The following LINS1 variants were observed in gnomAD, a reference collection of about 807,000 sequenced individuals.
LINS1 encodes lines homolog 1.
Under a neutral mutation model 41.6 loss-of-function variants are expected in LINS1, and 27 were observed. The ratio of observed to expected loss-of-function variants is 0.65; its 90% confidence interval spans 0.48 to 0.89. LINS1 has a LOEUF of 0.89. Ranked by LOEUF, LINS1 falls within the 40% of genes least tolerant of loss-of-function variation. The pLI, the probability that LINS1 is intolerant of heterozygous loss-of-function variation, is 0.00. For missense variants in LINS1, 955 were observed against 884.1 expected, an observed-to-expected ratio of 1.08 and a Z score of -1.02; for synonymous variants, 336 against 312.9, an observed-to-expected ratio of 1.07 and a Z score of -0.78.
At chr15:100,586,754 G>GA (rs1267561228) in intron 1 of LINS1, among the ~76,000 whole-genome samples, 1 of 152,080 alleles carries the variant, frequency 6.6e-6, no homozygotes, top group Admixed American at 6.6e-5. Flanking sequence ...TAAACATGTG[G>GA]AAAAAATTTA....
At chr15:100,576,613 C>T (rs2038199703) in intron 3 of LINS1, 1 of 152,376 alleles carries the variant, frequency 6.6e-6, no homozygotes. Context: ...GAGCTGGTAC[C>T]ATTCCTTCTG....
intron 3 of LINS1, among the ~76,000 whole-genome samples, chr15:100,577,427 C>A (rs1345193082): frequency 2.0e-5 from 3 of 152,142 alleles, no homozygotes; most frequent in Non-Finnish European, 4.4e-5. Flanking sequence ...TTCACAATTG[C>A]TTCAAAGAGA....
intron 5 of LINS1, chr15:100,572,351 T>C (rs530512692): frequency 8.3e-7 from 1 of 1,200,062 alleles, no homozygotes; most frequent in African/African-American, 1.6e-5. Flanking sequence ...ATAAAAGTTA[T>C]GTGATTTCTT....
intron 1 of LINS1, among the ~76,000 whole-genome samples, chr15:100,597,096 C>A (rs1457110404): frequency 6.6e-6 from 1 of 152,198 alleles, no homozygotes; most frequent in Non-Finnish European, 1.5e-5. Flanking sequence ...CACATCCAGG[C>A]TCCTCTTTTG....
intron 1 of LINS1, among the ~76,000 whole-genome samples, chr15:100,587,157 T>TTAA (rs1208385218): frequency 7.3e-5 from 5 of 68,268 alleles, no homozygotes; most frequent in African/African-American, 2.8e-4. Flanking sequence ...GACTCTGTCT[T>TTAA]AAAAAAAAAA....
At position 100,580,531 on chromosome 15, in the gene LINS1, C is replaced by T. The variant is rs61741890; in HGVS notation, c.312G>A (p.Leu104=). Residue 104 remains leucine (L), a synonymous_variant, in exon 2 of 7, where the codon TTG becomes TTA. Transcript: ENST00000314742. ...TTGCATGGAACTCGGTTTTGACAGA[C>T]AATATCCGGGTTGTCATCACTTTGA... ...TVIKVMTTRI[L]SVKTEFHAKE... The T allele has an allele frequency of 4.6e-5, 75 of 1,613,992 alleles. No homozygotes were observed. In the African/African-American group the frequency reaches 9.6e-4, roughly 21 times the overall value.
Position 100,580,247 on chromosome 15 carries a change from T to G in LINS1, c.489+16A>C, listed in dbSNP as rs762130903. 2.0e-6 allele frequency: 3 copies of G among 1,533,844 alleles called. No individual in the cohort carries two copies. The highest frequency in any genetic ancestry group is 2.7e-6 in the Non-Finnish European group (3 of 1,110,626). ...AAGAAAGAGAAATAATAACATACTT[T>G]GATTACTTATCTTACCTTTTCTCTC... On this transcript the variant is annotated intron_variant, in intron 3 of 6. Transcript: ENST00000314742.
intron 5 of LINS1, 76 bp from the exon 6 acceptor site, chr15:100,572,141 T>C (rs2037865864): frequency 3.2e-6 from 5 of 1,575,336 alleles, no homozygotes; most frequent in East Asian, 2.4e-5. Flanking sequence ...TATAAATTCA[T>C]AGTGTCTAAA....
At chr15:100,573,419 C>A in intron 5 of LINS1, 1 of 1,087,074 alleles carries the variant, frequency 9.2e-7, no homozygotes, top group East Asian at 2.9e-5. Context: ...TTTTTTAAAC[C>A]TAAATCATTC....
Position 100,567,988 on chromosome 15 carries a change from G to A in LINS1, c.*1250C>T, listed in dbSNP as rs28508486. 2.6e-3 allele frequency: 390 copies of A among 150,240 alleles called. 1 individual carries two copies. The highest frequency in any genetic ancestry group is 9.0e-3 in the African/African-American group (368 of 41,096). The allele number at this position is 150,240 out of a possible 1,614,324, so 9.3% of individuals were successfully genotyped here. Reference sequence around the variant, plus strand: ...TGCAAAGAGATCATTAAAAAAAAATGTACAGGCAATATTTTAGACTGCCTT... The same window carrying A: ...TGCAAAGAGATCATTAAAAAAAAATATACAGGCAATATTTTAGACTGCCTT... On this transcript the variant is annotated 3_prime_UTR_variant, in exon 7 of 7. Transcript: ENST00000314742.
chr15:100,601,682 C>A (rs1464224754), intron 1 of LINS1, among the ~76,000 whole-genome samples: 1 of 152,226 alleles, frequency 6.6e-6, no homozygotes, highest in East Asian at 1.9e-4. Context: ...ATCTTGTTCA[C>A]TGTTGTCTCC....
chr15:100,600,344 T>C (rs2039424029), intron 1 of LINS1, among the ~76,000 whole-genome samples: 2 of 152,024 alleles, frequency 1.3e-5, no homozygotes, highest in African/African-American at 4.8e-5. Context: ...GCTGTGTATC[T>C]TCTGGATTTT....
At chr15:100,594,328 A>G (rs1400073278) in intron 1 of LINS1, among the ~76,000 whole-genome samples, 1 of 152,222 alleles carries the variant, frequency 6.6e-6, no homozygotes, top group Non-Finnish European at 1.5e-5. Context: ...AAGCCCCAGA[A>G]TCAACAGGCC....
intron 5 of LINS1, 26 bp from the exon 6 acceptor site, chr15:100,572,091 G>A (rs1252869474): frequency 6.2e-7 from 1 of 1,613,096 alleles, no homozygotes; most frequent in Non-Finnish European, 8.5e-7. Context: ...ATTTCAAAGT[G>A]TAGGCAATAG....
At position 100,580,671 on chromosome 15, in the gene LINS1, T is replaced by C. The variant is rs147057997; in HGVS notation, c.172A>G (p.Arg58Gly). ...ACACCAACAGAGATGGGCTGATGCC[T>C]GCCCTGGATACCACAGGTGTTTGCC... ...EWANTCGIQGRHQPISVGVAP... is the reference protein window; with the variant it reads ...EWANTCGIQGGHQPISVGVAP... The change falls in exon 2 of 7, where the codon AGG becomes GGG. Residue 58 changes from arginine to glycine, a missense_variant. Transcript: ENST00000314742. The C allele has an allele frequency of 6.3e-4, 1,015 of 1,613,984 alleles. 1 individual carries two copies. Among genetic ancestry groups the C allele is most frequent in the Non-Finnish European group, 8.3e-4 (978 of 1,179,946 alleles).
intron 1 of LINS1, among the ~76,000 whole-genome samples, chr15:100,581,883 T>G (rs1000600097): frequency 6.6e-6 from 1 of 152,258 alleles, no homozygotes; most frequent in African/African-American, 2.4e-5. Context: ...GTTTTCTTAC[T>G]GCTCCTTTAA....
rs1297458522 is a variant in LINS1 at position 100,598,083 on chromosome 15, TG to T, written c.-104+4037del. 2.0e-5 allele frequency among the ~76,000 whole-genome samples: 3 copies of T among 152,234 alleles called. No homozygotes were observed. The East Asian group carries it at 5.8e-4, about 29-fold the overall frequency. Reference sequence around the variant, plus strand: ...TTTTAGGCTTAAATATGACTTTCTTTGGCAGGGGTAGGTCCTCCGGTGATAC... The same window carrying T: ...TTTTAGGCTTAAATATGACTTTCTTTGCAGGGGTAGGTCCTCCGGTGATAC... On this transcript the variant is annotated intron_variant, in intron 1 of 6. Transcript: ENST00000314742.
rs1222114472 is a variant in LINS1, at chr15:100,580,450, A to G, written c.393T>C (p.Ser131=). 1 of 1,613,810 alleles carries G rather than the reference A, an allele frequency of 6.2e-7. No individual in the cohort carries two copies. The highest frequency in any genetic ancestry group is 1.1e-5 in the South Asian group (1 of 91,070). ...AGAAAAACAAATGGCTTACTAATTTAGAATCGACTTTGGCTGATTCTAAGA... is the reference window on the plus strand; with the variant it reads ...AGAAAAACAAATGGCTTACTAATTTGGAATCGACTTTGGCTGATTCTAAGA... ...KILLESAKVD[S]KLICMFQNSD... is the part of the protein sequence containing the mutation. The change falls in exon 2 of 7, where the codon TCT becomes TCC. Residue 131 remains serine, a synonymous_variant. Coordinates refer to ENST00000314742, the MANE Select transcript of LINS1 (RefSeq NM_001040616.3).
At chr15:100,574,954 T>G (rs1532765) in intron 4 of LINS1, 33 bp downstream of exon 4, 1 of 1,605,718 alleles carries the variant, frequency 6.2e-7, no homozygotes, top group Non-Finnish European at 8.5e-7. Flanking sequence ...AGGAGCAAGA[T>G]GATGATTGTT....
Sources: gnomAD v4.1 joint callset for allele counts (sites outside exome capture counted in the v4.1 genomes callset) on GRCh38, gnomAD v4.1.1 for gene constraint, MANE v1.5 for transcripts, NCBI Gene and HGNC (gene_info 2026-07-23, HGNC 2026-07-21) for gene names.